Variants in PCDHA4 observed in about 807,000 individuals in gnomAD.
PCDHA4 encodes protocadherin alpha 4.
A neutral mutation model predicts 61.4 loss-of-function variants in PCDHA4; 49 were observed. The observed-to-expected ratio is 0.80, with a 90% CI of 0.63 to 1.01. The LOEUF (loss-of-function observed/expected upper bound fraction) is 1.01. Among genes scored for constraint, PCDHA4 ranks in the 50% least tolerant of loss-of-function variants. The pLI, the probability that PCDHA4 is intolerant of heterozygous loss-of-function variation, is 0.00. For synonymous variants in PCDHA4, 590 were observed against 550.3 expected, an observed-to-expected ratio of 1.07 and a Z score of -1.01; for missense variants, 1,254 against 1,235.8, an observed-to-expected ratio of 1.01 and a Z score of -0.22.
At chr5:140,841,479 G>T (rs2150316299) in intron 1 of PCDHA4, 1 of 1,613,084 alleles carries the variant, frequency 6.2e-7, no homozygotes, top group Non-Finnish European at 8.5e-7. Context: ...CAGGACCTGG[G>T]GCTGGAGCTG....
At chr5:140,830,392 G>T in intron 1 of PCDHA4, 2 of 1,614,160 alleles carry the variant, frequency 1.2e-6, no homozygotes, top group Non-Finnish European at 8.5e-7. Flanking sequence ...CACCCAAGAT[G>T]GATCTCATGG....
rs1554149884 is a variant in PCDHA4, at chr5:140,857,345, C to T, written c.2385+47773C>T. Reference sequence around the variant, plus strand: ...GACCGCGCGGGACGGGGGCTCGCCTCCGCTGTGGGCCACGGCCAGCGTGTC... The same window carrying T: ...GACCGCGCGGGACGGGGGCTCGCCTTCGCTGTGGGCCACGGCCAGCGTGTC... On this transcript the variant is annotated intron_variant, in intron 1 of 3. Coordinates refer to ENST00000530339, the MANE Select transcript of PCDHA4 (RefSeq NM_018907.4). The T allele has an allele frequency of 5.6e-6, 9 of 1,598,348 alleles. No homozygotes were observed. The Admixed American group carries it at 6.7e-5, about 12-fold the overall frequency.
In PCDHA4 at chr5:141,005,964, A is replaced by G. The variant is rs189203283; in HGVS notation, c.2534-3663A>G. On this transcript the variant is annotated intron_variant, in intron 3 of 3. Transcript: ENST00000530339. The stretch of plus-strand genomic sequence containing the variant: ...CCTATCTCTAACAAACAACAATAAA[A>G]AAACAATTCCAAAGAGTGTTTGAGG... 1.8e-3 allele frequency among the ~76,000 whole-genome samples: 274 copies of G among 152,152 alleles called. 1 individual carries two copies. Among genetic ancestry groups the G allele is most frequent in the Middle Eastern group, 6.8e-3 (2 of 294 alleles).
At chr5:140,822,799 G>T in intron 1 of PCDHA4, 1 of 1,614,160 alleles carries the variant, frequency 6.2e-7, no homozygotes, top group East Asian at 2.2e-5. Context: ...ACTCCTGGAT[G>T]TGAATGATAA....
rs149837711 is a variant in PCDHA4 at position 140,940,786 on chromosome 5, G to A, written c.2386-38163G>A. Reference sequence around the variant, plus strand: ...TTTGACTTTTGATGGTCCATATCCTGAAAATGATATTTGCCAGGATATCCT... The same window carrying A: ...TTTGACTTTTGATGGTCCATATCCTAAAAATGATATTTGCCAGGATATCCT... On this transcript the variant is annotated intron_variant, in intron 1 of 3. Coordinates refer to ENST00000530339, the MANE Select transcript of PCDHA4 (RefSeq NM_018907.4). 1.1e-4 allele frequency among the ~76,000 whole-genome samples: 17 copies of A among 152,224 alleles called. 1 individual carries two copies. The East Asian group carries it at 2.9e-3, about 26-fold the overall frequency.
At chr5:140,810,496 A>T (rs1258787751) in intron 1 of PCDHA4, 1 of 152,222 alleles carries the variant, frequency 6.6e-6, no homozygotes, top group Non-Finnish European at 1.5e-5. Context: ...TACATTTGTC[A>T]GGTTATTTTC....
At chr5:140,866,372 A>G (rs1260781135) in intron 1 of PCDHA4, 2 of 152,168 alleles carry the variant, frequency 1.3e-5, no homozygotes, top group Non-Finnish European at 2.9e-5. Flanking sequence ...GCATACTTCA[A>G]TAACAATTTT....
At position 140,849,933 on chromosome 5, in the gene PCDHA4, C is replaced by G. The variant is rs2150458258; in HGVS notation, c.2385+40361C>G. Reference sequence around the variant, plus strand: ...CTGCCACATCTTCACGGTGTCTGCGCGGGACGCTGACGCGCAGGAGAACGC... The same window carrying G: ...CTGCCACATCTTCACGGTGTCTGCGGGGGACGCTGACGCGCAGGAGAACGC... On this transcript the variant is annotated intron_variant, in intron 1 of 3. Transcript: ENST00000530339. 8.1e-6 allele frequency: 13 copies of G among 1,598,002 alleles called. 1 individual carries two copies. In the African/African-American group the frequency reaches 1.2e-4, roughly 15 times the overall value.
intron 1 of PCDHA4, chr5:140,829,583 C>A (rs1770403312): frequency 6.2e-7 from 1 of 1,612,242 alleles, no homozygotes; most frequent in South Asian, 1.1e-5. Context: ...GGTGGAGCGG[C>A]GGGTGGGCGA....
intron 1 of PCDHA4, among the ~76,000 whole-genome samples, chr5:140,886,636 G>A (rs555391002): frequency 2.6e-5 from 4 of 151,866 alleles, no homozygotes; most frequent in Non-Finnish European, 4.4e-5. Flanking sequence ...GACCAGCCTG[G>A]CCAACATGGT....
intron 1 of PCDHA4, among the ~76,000 whole-genome samples, chr5:140,941,192 TTTCTTTCTTCC>T (rs1330855559): frequency 1.0e-5 from 1 of 99,660 alleles, no homozygotes; most frequent in Non-Finnish European, 2.1e-5. Flanking sequence ...CTTCTTTTTT[TTTCTTTCTTCC>T]TTTCTTTCTT....
rs1554124486 is a variant in PCDHA4 at position 140,808,335 on chromosome 5, G to C, written c.1148G>C (p.Gly383Ala). 6.2e-7 allele frequency: 1 copy of C among 1,614,236 alleles called. No homozygotes were observed. Among genetic ancestry groups the C allele is most frequent in the Non-Finnish European group, 8.5e-7 (1 of 1,180,050 alleles). ...TCCGACAAAGACATGGGTGTCAATGGGCTGGTCACCTGCTCCTTGACGTCC... is the reference window on the plus strand; with the variant it reads ...TCCGACAAAGACATGGGTGTCAATGCGCTGGTCACCTGCTCCTTGACGTCC... Reference protein sequence around the residue: ...SVSDKDMGVNGLVTCSLTSHV... With the variant: ...SVSDKDMGVNALVTCSLTSHV... Residue 383 changes from glycine to alanine, a missense_variant, in exon 1 of 4, where the codon GGG becomes GCG. Coordinates refer to ENST00000530339, the MANE Select transcript of PCDHA4 (RefSeq NM_018907.4).
chr5:140,877,546 G>T, intron 1 of PCDHA4: 4 of 1,613,794 alleles, frequency 2.5e-6, no homozygotes, highest in Non-Finnish European at 3.4e-6. Flanking sequence ...TCCCGAAGCG[G>T]CTCTGGTGGA....
intron 1 of PCDHA4, among the ~76,000 whole-genome samples, chr5:140,873,038 G>A (rs1304592086): frequency 1.3e-5 from 2 of 152,120 alleles, no homozygotes; most frequent in Admixed American, 6.5e-5. Context: ...CACGTAGAGT[G>A]GTGGTATTAC....
intron 1 of PCDHA4, chr5:140,830,508 C>G: frequency 7.1e-7 from 1 of 1,415,164 alleles, no homozygotes; most frequent in African/African-American, 1.4e-5. Context: ...TCATAATTAA[C>G]AGTTAATTTT....
intron 1 of PCDHA4, chr5:140,870,462 G>C: frequency 1.2e-6 from 2 of 1,614,196 alleles, no homozygotes; most frequent in Non-Finnish European, 1.7e-6. Flanking sequence ...ATGCGCCTGC[G>C]TTCGCACAGC....
chr5:140,959,696 G>A (rs1344206142), intron 1 of PCDHA4, among the ~76,000 whole-genome samples: 1 of 152,098 alleles, frequency 6.6e-6, no homozygotes, highest in Non-Finnish European at 1.5e-5. Flanking sequence ...AATAAAATGA[G>A]CTTTGAAAGG....
intron 1 of PCDHA4, among the ~76,000 whole-genome samples, chr5:140,846,143 A>G (rs1780220723): frequency 6.7e-6 from 1 of 149,736 alleles, no homozygotes; most frequent in African/African-American, 2.4e-5. Context: ...TCCCATATTT[A>G]AAAGTTGCCT....
chr5:140,945,560 C>T (rs1321626108), intron 1 of PCDHA4, among the ~76,000 whole-genome samples: 3 of 151,960 alleles, frequency 2.0e-5, no homozygotes, highest in Non-Finnish European at 2.9e-5. Context: ...AAGCTGAAGA[C>T]ATCATACTAC....
Sources: gnomAD v4.1 joint callset for allele counts (sites outside exome capture counted in the v4.1 genomes callset) on GRCh38, gnomAD v4.1.1 for gene constraint, MANE v1.5 for transcripts, NCBI Gene and HGNC (gene_info 2026-07-23, HGNC 2026-07-21) for gene names.